DDX1: variants seen among roughly 807,000 people sequenced by gnomAD.
DDX1 encodes the protein DEAD-box helicase 1, also known as ATP-dependent RNA helicase DDX1.
Under a neutral mutation model 108.7 loss-of-function variants are expected in DDX1, and 28 were observed. The ratio of observed to expected loss-of-function variants is 0.26; its 90% confidence interval spans 0.19 to 0.35. The LOEUF (loss-of-function observed/expected upper bound fraction) is 0.35. Ranked by LOEUF, DDX1 falls within the 10% of genes least tolerant of loss-of-function variation. The pLI is 1.00. For missense variants in DDX1, 710 were observed against 884.5 expected, an observed-to-expected ratio of 0.80 and a Z score of 2.50; for synonymous variants, 295 against 288.9, an observed-to-expected ratio of 1.02 and a Z score of -0.21.
chr2:15,615,436 T>G (rs1383642942), intron 14 of DDX1, among the ~76,000 whole-genome samples: 1 of 152,208 alleles, frequency 6.6e-6, no homozygotes, highest in African/African-American at 2.4e-5. Context: ...CCAGATGGTA[T>G]TTTGTTCACT....
rs199675013 is a variant in DDX1, at chr2:15,618,225, G to A, written c.1161G>A (p.Met387Ile). The change falls in exon 16 of 26, where the codon ATG (methionine) becomes ATA (isoleucine). Residue 387 changes from methionine to isoleucine, a missense_variant. By Grantham distance (10) the Met-to-Ile change is conservative. Around this residue, in one of 3 missense-constraint regions of DDX1, gnomAD observed 661 missense variants for 810.2 expected, o/e 0.82. Transcript: ENST00000233084. Reference sequence around the variant, plus strand: ...GTTATTCTGATTTTATAAATAGGATGCACAATCAGATTCCTCAGGTTACCT... The same window carrying A: ...GTTATTCTGATTTTATAAATAGGATACACAATCAGATTCCTCAGGTTACCT... The part of the protein sequence containing the change: ...SQGYSDFINR[M>I]HNQIPQVTSD... 13 of 1,591,950 alleles carry A rather than the reference G, an allele frequency of 8.2e-6. No homozygotes were observed. In the East Asian group the frequency reaches 2.7e-4, roughly 33 times the overall value.
chr2:15,613,312 A>G (rs769739951), intron 14 of DDX1, 28 bp downstream of exon 14: 3 of 1,522,010 alleles, frequency 2.0e-6, no homozygotes, highest in Non-Finnish European at 2.7e-6. Flanking sequence ...TTTTTAAAAC[A>G]TAATGTCATG....
chr2:15,629,459 T>A (rs1666156504), intron 23 of DDX1, 143 bp from the exon 24 acceptor site: 1 of 597,706 alleles, frequency 1.7e-6, no homozygotes, highest in East Asian at 3.4e-5. Flanking sequence ...TGAATAGTAG[T>A]GGTAATTGGA....
chr2:15,614,912 A>G (rs904302350), intron 14 of DDX1, among the ~76,000 whole-genome samples: 3 of 152,092 alleles, frequency 2.0e-5, no homozygotes, highest in Non-Finnish European at 2.9e-5. Context: ...CTCAATTCCT[A>G]TTTTCCTAAA....
At chr2:15,592,690 T>C (rs1374306938) in intron 1 of DDX1, among the ~76,000 whole-genome samples, 2 of 152,152 alleles carry the variant, frequency 1.3e-5, no homozygotes, top group Non-Finnish European at 2.9e-5. Flanking sequence ...CATCCAGTTT[T>C]AGGAAGCTGT....
At chr2:15,596,256 G>T (rs1665495890) in intron 3 of DDX1, among the ~76,000 whole-genome samples, 1 of 152,148 alleles carries the variant, frequency 6.6e-6, no homozygotes, top group Non-Finnish European at 1.5e-5. Flanking sequence ...TAGAATGTAG[G>T]ATATGACCCT....
chr2:15,622,751 T>C (rs1355401744), intron 18 of DDX1, among the ~76,000 whole-genome samples: 3 of 152,244 alleles, frequency 2.0e-5, no homozygotes, highest in Non-Finnish European at 4.4e-5. Flanking sequence ...TTATTGCTTC[T>C]TATATTTTTC....
chr2:15,613,981 C>G (rs991833321), intron 14 of DDX1, among the ~76,000 whole-genome samples: 1 of 151,950 alleles, frequency 6.6e-6, no homozygotes, highest in Non-Finnish European at 1.5e-5. Flanking sequence ...GGATTACAGG[C>G]ACCCGCCACC....
intron 6 of DDX1, among the ~76,000 whole-genome samples, chr2:15,602,115 A>G (rs560153242): frequency 6.6e-6 from 1 of 152,296 alleles, no homozygotes; most frequent in Admixed American, 6.5e-5. Flanking sequence ...TTAAGTATAA[A>G]ATCAGGACGA....
intron 9 of DDX1, 41 bp downstream of exon 9, chr2:15,603,931 T>A: frequency 7.7e-7 from 1 of 1,292,222 alleles, no homozygotes; most frequent in Non-Finnish European, 1.1e-6. Context: ...CATAAGTAAG[T>A]TTTCTTGCAT....
chr2:15,624,832 T>C (rs915340734), intron 19 of DDX1, among the ~76,000 whole-genome samples: 2 of 152,200 alleles, frequency 1.3e-5, no homozygotes, highest in African/African-American at 2.4e-5. Flanking sequence ...AGCAACTGCA[T>C]ACAGTTGTTG....
At chr2:15,619,162 C>T (rs998580364) in intron 16 of DDX1, among the ~76,000 whole-genome samples, 4 of 152,154 alleles carry the variant, frequency 2.6e-5, no homozygotes, top group Non-Finnish European at 5.9e-5. Flanking sequence ...CTCTGCCCCT[C>T]TGTGCCCAAC....
intron 18 of DDX1, 191 bp downstream of exon 18, chr2:15,621,307 T>C: frequency 3.7e-6 from 2 of 541,514 alleles, no homozygotes; most frequent in South Asian, 4.8e-5. Flanking sequence ...AATCATTGAA[T>C]TTATTTTTAA....
chr2:15,627,151 G>T lies in DDX1; in HGVS notation c.1686+6G>T. On this transcript the variant is annotated splice_donor_region_variant and intron_variant, in intron 20 of 25. Transcript: ENST00000233084. ...AAAACTTGGAAAGATTTAAGGTACT[G>T]ATACATAGTTGATTGTTTCCTTAAT... The T allele has an allele frequency of 6.5e-7, 1 of 1,533,310 alleles. No individual in the cohort carries two copies. The highest frequency in any genetic ancestry group is 9.0e-7 in the Non-Finnish European group (1 of 1,111,996). The allele number at this position is 1,533,310 out of a possible 1,614,324, so 95.0% of individuals were successfully genotyped here. A position where few individuals can be genotyped will look rare whatever the true frequency, so the allele number is the denominator to read the frequency against.
intron 6 of DDX1, among the ~76,000 whole-genome samples, chr2:15,600,912 C>G (rs1370979816): frequency 6.6e-6 from 1 of 151,950 alleles, no homozygotes; most frequent in Admixed American, 6.6e-5. Context: ...ACTCTAAATT[C>G]CACTGATAAT....
intron 18 of DDX1, among the ~76,000 whole-genome samples, chr2:15,622,634 G>T (rs966726590): frequency 6.6e-6 from 1 of 152,148 alleles, no homozygotes; most frequent in African/African-American, 2.4e-5. Flanking sequence ...TTTATATGTA[G>T]GTCTAAATTA....
At chr2:15,598,323 C>T (rs1280164864) in intron 5 of DDX1, among the ~76,000 whole-genome samples, 3 of 152,130 alleles carry the variant, frequency 2.0e-5, no homozygotes, top group Admixed American at 1.3e-4. Flanking sequence ...ACTATTTACA[C>T]TATTGGCCTA....
At chr2:15,618,423 G>A (rs983819964) in intron 16 of DDX1, among the ~76,000 whole-genome samples, 153 bp downstream of exon 16, 1 of 152,212 alleles carries the variant, frequency 6.6e-6, no homozygotes, top group Non-Finnish European at 1.5e-5. Flanking sequence ...CACTTGGCCT[G>A]GCAGGCTGTG....
chr2:15,626,750 G>A (rs146935811), intron 19 of DDX1, among the ~76,000 whole-genome samples: 1,690 of 152,240 alleles, frequency 0.011, 40 homozygotes, highest in African/African-American at 0.039. Context: ...ATGGAGGATA[G>A]TGAGGTTCCT....
Sources: gnomAD v4.1 joint callset for allele counts (sites outside exome capture counted in the v4.1 genomes callset) on GRCh38, gnomAD v4.1.1 for gene constraint, gnomAD v4.1.1 regional missense constraint, MANE v1.5 for transcripts, NCBI Gene and HGNC (gene_info 2026-07-23, HGNC 2026-07-21) for gene names.